The following DOCK1 variants were observed in gnomAD, a reference collection of about 807,000 sequenced individuals.
DOCK1 encodes dedicator of cytokinesis 1.
A neutral mutation model predicts 262.7 loss-of-function variants in DOCK1; 138 were observed. The ratio of observed to expected loss-of-function variants is 0.53; its 90% CI spans 0.46 to 0.61. DOCK1 has a LOEUF of 0.61. Among genes scored for constraint, DOCK1 ranks in the 20% least tolerant of loss-of-function variants. The pLI, the probability that DOCK1 is intolerant of heterozygous loss-of-function variation, is 0.00. For synonymous variants in DOCK1, 866 were observed against 867.4 expected (o/e 1.00, Z 0.03); for missense variants, 1,908 against 2,370.7 (o/e 0.80, Z 4.05).
At chr10:127,280,809 G>T (rs2060934168) in intron 29 of DOCK1, among the ~76,000 whole-genome samples, 1 of 151,934 alleles carries the variant, frequency 6.6e-6, no homozygotes, top group Non-Finnish European at 1.5e-5. Flanking sequence ...TTTTTTTGTT[G>T]TTTTTCTCCT....
At chr10:127,436,841 A>C (rs906014421) in intron 48 of DOCK1, among the ~76,000 whole-genome samples, 7 of 151,936 alleles carry the variant, frequency 4.6e-5, no homozygotes, top group African/African-American at 1.7e-4. Flanking sequence ...TCCCATTGTC[A>C]TGTCTTTTTT....
intron 1 of DOCK1, among the ~76,000 whole-genome samples, chr10:126,938,026 T>C (rs1309222139): frequency 6.6e-6 from 1 of 151,736 alleles, no homozygotes; most frequent in African/African-American, 2.4e-5. Context: ...CTTTTGTGAA[T>C]AGTAGAAGAG....
chr10:126,997,514 G>A (rs1035472706), intron 7 of DOCK1, among the ~76,000 whole-genome samples: 7 of 151,770 alleles, frequency 4.6e-5, no homozygotes, highest in African/African-American at 9.7e-5. Context: ...GGTGCTACAC[G>A]CTACACTTTT....
rs558670262 is a variant in DOCK1 at position 127,255,122 on chromosome 10, G to A, written c.2950-2213G>A. 4.6e-5 allele frequency among the ~76,000 whole-genome samples: 7 copies of A among 152,276 alleles called. No homozygotes were observed. In the East Asian group the frequency reaches 5.8e-4, roughly 13 times the overall value. Reference sequence around the variant, plus strand: ...AATAGTCAAACTAAAACATGCAGCCGGGCACAGTGGCTTACACCTGTAATC... The same window carrying A: ...AATAGTCAAACTAAAACATGCAGCCAGGCACAGTGGCTTACACCTGTAATC... On this transcript the variant is annotated intron_variant, in intron 28 of 51. Coordinates refer to ENST00000623213, the MANE Select transcript of DOCK1 (RefSeq NM_001290223.2).
chr10:126,955,944 G>A (rs2036701562), intron 1 of DOCK1, among the ~76,000 whole-genome samples: 1 of 152,188 alleles, frequency 6.6e-6, no homozygotes, highest in Non-Finnish European at 1.5e-5. Context: ...GCCTTTGGGT[G>A]AGACCTGTCC....
At chr10:127,366,227 G>A (rs1308846408) in intron 33 of DOCK1, among the ~76,000 whole-genome samples, 1 of 151,710 alleles carries the variant, frequency 6.6e-6, no homozygotes, top group African/African-American at 2.4e-5. Context: ...TTAAAATGAG[G>A]GCAGAAAAAC....
rs373064356 is a variant in DOCK1, at chr10:127,115,818, T to A, written c.2623+5464T>A. On this transcript the variant is annotated intron_variant, in intron 25 of 51. Transcript: ENST00000623213. Reference sequence around the variant, plus strand: ...CATGTTCTCTCACCCACTGGCCCCTTTCTGAATCTGACAGCTTTGGGAAGC... The same window carrying A: ...CATGTTCTCTCACCCACTGGCCCCTATCTGAATCTGACAGCTTTGGGAAGC... Among the ~76,000 whole-genome samples the A allele has an allele frequency of 5.3e-5, 8 of 152,350 alleles. No homozygotes were observed. The East Asian group carries it at 9.6e-4, about 18-fold the overall frequency.
intron 27 of DOCK1, among the ~76,000 whole-genome samples, chr10:127,144,961 AG>A (rs1181759928): frequency 9.9e-5 from 15 of 151,176 alleles, no homozygotes; most frequent in Non-Finnish European, 1.5e-4. Flanking sequence ...TTTTTAAAAA[AG>A]CATTAGCCAG....
rs530301874 is a variant in DOCK1, at chr10:127,149,271, CAG to C, written c.2847+21511_2847+21512del. Among the ~76,000 whole-genome samples the C allele has an allele frequency of 6.6e-3, 999 of 152,278 alleles. 4 individuals are homozygous for C. The highest frequency in any genetic ancestry group is 0.012 in the Admixed American group (176 of 15,300). ...CAGACACCCCACCCAAGAGAGAGGG[CAG>C]AGAAGCTCAGCCCTAACCTTGCAGG... On this transcript the variant is annotated intron_variant, in intron 27 of 51. Coordinates refer to ENST00000623213, the MANE Select transcript of DOCK1 (RefSeq NM_001290223.2).
chr10:127,052,628 T>C, intron 21 of DOCK1, 53 bp from the exon 22 acceptor site: 1 of 1,612,598 alleles, frequency 6.2e-7, no homozygotes, highest in South Asian at 1.1e-5. Flanking sequence ...CAGTTAAGAT[T>C]TGAGATATTT....
At chr10:127,216,224 A>G (rs1262861101) in intron 27 of DOCK1, among the ~76,000 whole-genome samples, 2 of 151,874 alleles carry the variant, frequency 1.3e-5, no homozygotes, top group Non-Finnish European at 2.9e-5. Flanking sequence ...TGTATCTTTC[A>G]TTATATATGC....
intron 29 of DOCK1, among the ~76,000 whole-genome samples, chr10:127,308,208 G>A (rs1481550217): frequency 6.6e-6 from 1 of 152,204 alleles, no homozygotes; most frequent in Non-Finnish European, 1.5e-5. Flanking sequence ...CAGTCCTTAC[G>A]AGTGTCTTCA....
intron 23 of DOCK1, among the ~76,000 whole-genome samples, chr10:127,079,391 CT>C (rs1295388868): frequency 1.3e-5 from 2 of 152,224 alleles, no homozygotes; most frequent in African/African-American, 2.4e-5. Context: ...ATCCTTCTCT[CT>C]CTCCAAACAA....
At position 126,996,861 on chromosome 10, in the gene DOCK1, A is replaced by C. The variant is rs757722252; in HGVS notation, c.587A>C (p.Glu196Ala). ...CATGAAATAGCTTCTAAACAAGTGG[A>C]GGAAAGGTTACAAGAGGAAAAAGTA... ...RAHEIASKQV[E>A]ERLQEEKSQK... The change falls in exon 7 of 52, where the codon GAG becomes GCG. Residue 196 changes from glutamate (E) to alanine (A), a missense_variant. Transcript: ENST00000623213. The C allele has an allele frequency of 6.2e-7, 1 of 1,603,172 alleles. No individual in the cohort carries two copies. Among genetic ancestry groups the C allele is most frequent in the East Asian group, 2.3e-5 (1 of 44,014 alleles).
intron 27 of DOCK1, among the ~76,000 whole-genome samples, chr10:127,205,713 A>C (rs922724967): frequency 6.6e-6 from 1 of 152,216 alleles, no homozygotes; most frequent in African/African-American, 2.4e-5. Flanking sequence ...CAATCAGCTT[A>C]AATTGCGATT....
chr10:126,905,962 C>G (rs1055137995), intron 1 of DOCK1, among the ~76,000 whole-genome samples: 2 of 152,150 alleles, frequency 1.3e-5, no homozygotes, highest in Non-Finnish European at 2.9e-5. Flanking sequence ...CACTGTCTCG[C>G]GGCGGCTTCT....
chr10:127,242,933 G>C (rs1004009220), intron 27 of DOCK1, among the ~76,000 whole-genome samples: 1 of 150,542 alleles, frequency 6.6e-6, no homozygotes, highest in African/African-American at 2.5e-5. Context: ...CTGTGTCTCT[G>C]TTTACAGCTC....
intron 1 of DOCK1, among the ~76,000 whole-genome samples, chr10:126,953,488 TATTG>T (rs1427629694): frequency 6.6e-6 from 1 of 151,750 alleles, no homozygotes; most frequent in Non-Finnish European, 1.5e-5. Flanking sequence ...GTAGCAATAT[TATTG>T]ATAGCAGTTT....
At chr10:127,145,361 TC>T (rs2051711792) in intron 27 of DOCK1, among the ~76,000 whole-genome samples, 1 of 152,092 alleles carries the variant, frequency 6.6e-6, no homozygotes, top group Non-Finnish European at 1.5e-5. Flanking sequence ...TCTTATGCCA[TC>T]CCCCTAGGAA....
Sources: gnomAD v4.1 joint callset for allele counts (sites outside exome capture counted in the v4.1 genomes callset) on GRCh38, gnomAD v4.1.1 for gene constraint, MANE v1.5 for transcripts, NCBI Gene and HGNC (gene_info 2026-07-23, HGNC 2026-07-21) for gene names.